Variants in PAPSS1 observed in about 807,000 individuals in gnomAD.
PAPSS1 encodes the protein 3'-phosphoadenosine 5'-phosphosulfate synthase 1.
In PAPSS1, 50 loss-of-function variants were observed where a neutral mutation model predicts 72.0. The observed-to-expected ratio is 0.69, with a 90% CI of 0.55 to 0.88. PAPSS1 has a LOEUF of 0.88. Ranked by LOEUF, PAPSS1 falls within the 40% of genes least tolerant of loss-of-function variation. The pLI is 0.00. For missense variants in PAPSS1, 657 were observed against 782.2 expected (o/e 0.84, Z 1.91); for synonymous variants, 261 against 263.6 (o/e 0.99, Z 0.09).
At chr4:107,717,195 T>C (rs1288914778) in intron 1 of PAPSS1, among the ~76,000 whole-genome samples, 1 of 152,222 alleles carries the variant, frequency 6.6e-6, no homozygotes, top group East Asian at 1.9e-4. Flanking sequence ...GTAGGTTAAA[T>C]ATATTATTGA....
At chr4:107,689,285 T>C (rs1349197648) in intron 3 of PAPSS1, among the ~76,000 whole-genome samples, 1 of 152,182 alleles carries the variant, frequency 6.6e-6, no homozygotes, top group Admixed American at 6.5e-5. Context: ...AGTCTTGCAC[T>C]TGATGCTCTA....
At chr4:107,621,927 C>T (rs1356639988) in intron 11 of PAPSS1, among the ~76,000 whole-genome samples, 1 of 151,932 alleles carries the variant, frequency 6.6e-6, no homozygotes, top group Non-Finnish European at 1.5e-5. Context: ...CGCGCCCAGC[C>T]GGAAGACAGG....
Position 107,717,612 on chromosome 4 carries a change from A to G in PAPSS1, c.60+2508T>C, listed in dbSNP as rs1157724141. The stretch of plus-strand genomic sequence containing the variant: ...GTCCTGCTTTTAACCACTGTCTCTC[A>G]TAATATTCACCCTCAGAAATGTAAC... On this transcript the variant is annotated intron_variant, in intron 1 of 11. Coordinates refer to ENST00000265174, the MANE Select transcript of PAPSS1 (RefSeq NM_005443.5). 2.0e-5 allele frequency among the ~76,000 whole-genome samples: 3 copies of G among 152,234 alleles called. No homozygotes were observed. The East Asian group carries it at 5.8e-4, about 29-fold the overall frequency.
At position 107,676,403 on chromosome 4, in the gene PAPSS1, G is replaced by A. The variant is rs1325698384; in HGVS notation, c.669+5612C>T. 2.6e-5 allele frequency among the ~76,000 whole-genome samples: 4 copies of A among 152,210 alleles called. No homozygotes were observed. In the East Asian group the frequency reaches 5.8e-4, roughly 22 times the overall value. On this transcript the variant is annotated intron_variant, in intron 5 of 11. Coordinates refer to ENST00000265174, the MANE Select transcript of PAPSS1 (RefSeq NM_005443.5). ...TATACACCAATAACAGACAAACAGA[G>A]AGCCAAATCATGAGTGAACTCCCAT...
intron 5 of PAPSS1, among the ~76,000 whole-genome samples, chr4:107,669,411 A>G (rs1727412278): frequency 6.6e-6 from 1 of 152,228 alleles, no homozygotes; most frequent in African/African-American, 2.4e-5. Flanking sequence ...ATTCTACATC[A>G]TAGTATAAAA....
chr4:107,652,363 A>G (rs1429832892), intron 9 of PAPSS1, among the ~76,000 whole-genome samples: 2 of 152,204 alleles, frequency 1.3e-5, no homozygotes, highest in African/African-American at 2.4e-5. Flanking sequence ...TTGCAGGTAT[A>G]GAAAGAGTAT....
intron 10 of PAPSS1, among the ~76,000 whole-genome samples, chr4:107,639,010 C>T (rs1052441300): frequency 5.3e-5 from 8 of 152,132 alleles, no homozygotes; most frequent in South Asian, 4.1e-4. Flanking sequence ...GAGCTACTGA[C>T]GCTGTGTCAA....
intron 5 of PAPSS1, among the ~76,000 whole-genome samples, chr4:107,668,790 T>A (rs1037469618): frequency 2.0e-5 from 3 of 152,018 alleles, no homozygotes; most frequent in Non-Finnish European, 4.4e-5. Flanking sequence ...ATATATAAAA[T>A]ATATATACAC....
chr4:107,654,336 C>A (rs1350018614), intron 8 of PAPSS1, among the ~76,000 whole-genome samples: 1 of 152,152 alleles, frequency 6.6e-6, no homozygotes, highest in Non-Finnish European at 1.5e-5. Flanking sequence ...CTGGTGAGGG[C>A]TCCCTTAGCC....
At chr4:107,643,847 T>G (rs1206479490) in intron 10 of PAPSS1, among the ~76,000 whole-genome samples, 1 of 152,186 alleles carries the variant, frequency 6.6e-6, no homozygotes, top group Non-Finnish European at 1.5e-5. Context: ...ATATGTACTT[T>G]TTCATATATA....
intron 11 of PAPSS1, among the ~76,000 whole-genome samples, chr4:107,630,938 T>A (rs1051535067): frequency 6.6e-6 from 1 of 152,188 alleles, no homozygotes; most frequent in East Asian, 1.9e-4. Context: ...AGCACCAACA[T>A]GACAAAAGTG....
At position 107,720,213 on chromosome 4, in the gene PAPSS1, T is replaced by C. The variant is rs1177306047; in HGVS notation, c.-34A>G. The C allele has an allele frequency of 4.4e-6, 7 of 1,588,276 alleles. No homozygotes were observed. Among genetic ancestry groups the C allele is most frequent in the Non-Finnish European group, 6.0e-6 (7 of 1,169,216 alleles). On this transcript the variant is annotated 5_prime_UTR_variant, in exon 1 of 12. Coordinates refer to ENST00000265174, the MANE Select transcript of PAPSS1 (RefSeq NM_005443.5). Reference sequence around the variant, plus strand: ...AGCGCGCTGAGCAGCCGGGGTTCTCTGCGCCGGGAGGGTAGCAAGAGGAGG... The same window carrying C: ...AGCGCGCTGAGCAGCCGGGGTTCTCCGCGCCGGGAGGGTAGCAAGAGGAGG...
chr4:107,687,022 A>G lies in PAPSS1; in HGVS notation c.550+17T>C. The G allele has an allele frequency of 1.9e-6, 3 of 1,592,332 alleles. No individual in the cohort carries two copies. Among genetic ancestry groups the G allele is most frequent in the Non-Finnish European group, 2.6e-6 (3 of 1,173,174 alleles). ...AATATCTAAGCAAAGTGAAACTGGG[A>G]AGAAAATATTACTGACCTTTAATTT... On this transcript the variant is annotated intron_variant, in intron 4 of 11. Coordinates refer to ENST00000265174, the MANE Select transcript of PAPSS1 (RefSeq NM_005443.5).
chr4:107,703,734 C>G (rs746367427), intron 1 of PAPSS1, among the ~76,000 whole-genome samples: 7 of 152,126 alleles, frequency 4.6e-5, no homozygotes, highest in African/African-American at 7.2e-5. Context: ...CTGTATCATG[C>G]TGTTTTGATT....
chr4:107,699,049 A>G (rs1328804969), intron 2 of PAPSS1, among the ~76,000 whole-genome samples: 1 of 152,172 alleles, frequency 6.6e-6, no homozygotes, highest in Non-Finnish European at 1.5e-5. Flanking sequence ...ACTAGACCAC[A>G]GAGCAAGTAC....
At chr4:107,628,380 A>AT in intron 11 of PAPSS1, among the ~76,000 whole-genome samples, 1 of 152,304 alleles carries the variant, frequency 6.6e-6, no homozygotes, top group Non-Finnish European at 1.5e-5. Context: ...TGTTGTTTTA[A>AT]TTTTTTAAAG....
Position 107,703,347 on chromosome 4 carries a change from AT to A in PAPSS1, c.61-2063del, listed in dbSNP as rs1319766245. Among the ~76,000 whole-genome samples the A allele has an allele frequency of 3.4e-4, 51 of 150,090 alleles. No homozygotes were observed. The Admixed American group carries it at 3.4e-3, about 10-fold the overall frequency. The stretch of plus-strand genomic sequence containing the variant: ...GATTGCACCCTTTGCTGTGGAGACA[AT>A]TTTTATTTGATGTACTCCCATTTGT... On this transcript the variant is annotated intron_variant, in intron 1 of 11. Transcript: ENST00000265174.
At chr4:107,716,536 G>A (rs1349440518) in intron 1 of PAPSS1, among the ~76,000 whole-genome samples, 1 of 152,208 alleles carries the variant, frequency 6.6e-6, no homozygotes, top group Non-Finnish European at 1.5e-5. Flanking sequence ...AGGTCCAACA[G>A]GGTTTCAGCC....
intron 4 of PAPSS1, among the ~76,000 whole-genome samples, chr4:107,684,835 T>A (rs1722731050): frequency 6.6e-6 from 1 of 152,196 alleles, no homozygotes; most frequent in Non-Finnish European, 1.5e-5. Context: ...CTTGGGCACA[T>A]GTTCTCAGGA....
Sources: allele counts gnomAD v4.1 joint callset (sites outside exome capture counted in the v4.1 genomes callset), GRCh38; gene constraint gnomAD v4.1.1; transcripts MANE v1.5; gene names NCBI Gene and HGNC (gene_info 2026-07-23, HGNC 2026-07-21).